Variants in GALNT11 observed in about 807,000 individuals in gnomAD.
GALNT11 encodes the protein UDP-GalNAc:polypeptide N-acetylgalactosaminyltransferase 11.
Under a neutral mutation model 72.7 loss-of-function variants are expected in GALNT11, and 47 were observed. That is an observed-to-expected ratio of 0.65 (90% CI 0.51 to 0.82). GALNT11 has a LOEUF of 0.82. Among genes scored for constraint, GALNT11 ranks in the 40% least tolerant of loss-of-function variants. The probability of loss-of-function intolerance (pLI) is 0.00; values close to 1 mark genes in which losing one functional copy is unlikely to be tolerated. For synonymous variants in GALNT11, 270 were observed against 286.6 expected, an observed-to-expected ratio of 0.94 and a Z score of 0.58; for missense variants, 677 against 778.4, an observed-to-expected ratio of 0.87 and a Z score of 1.55.
At chr7:152,064,139 G>T (rs1025856104) in intron 1 of GALNT11, among the ~76,000 whole-genome samples, 23 of 152,136 alleles carry the variant, frequency 1.5e-4, no homozygotes, top group African/African-American at 5.6e-4. Flanking sequence ...GAATCTGGGT[G>T]CTCCTGTATT....
chr7:152,100,349 C>T (rs554807522), intron 2 of GALNT11, among the ~76,000 whole-genome samples: 22 of 152,054 alleles, frequency 1.4e-4, no homozygotes, highest in African/African-American at 4.3e-4. Flanking sequence ...GGGCAGATCA[C>T]GAGGTCAGGA....
intron 2 of GALNT11, among the ~76,000 whole-genome samples, chr7:152,099,533 T>TG (rs2086648524): frequency 8.4e-6 from 1 of 118,704 alleles, no homozygotes; most frequent in Non-Finnish European, 1.7e-5. Context: ...CCGCCTAGTT[T>TG]TTTTTTTTTT....
intron 7 of GALNT11, among the ~76,000 whole-genome samples, chr7:152,112,984 G>C (rs2088409411): frequency 6.6e-6 from 1 of 152,206 alleles, no homozygotes; most frequent in Non-Finnish European, 1.5e-5. Flanking sequence ...AGTTGGGTAA[G>C]TGCAATTTCA....
intron 1 of GALNT11, among the ~76,000 whole-genome samples, chr7:152,076,375 A>G (rs775137882): frequency 5.9e-5 from 9 of 152,110 alleles, no homozygotes; most frequent in Non-Finnish European, 1.2e-4. Context: ...CAAGTTGTGT[A>G]TTTGCGAGGT....
At chr7:152,112,289 C>T (rs2088309514) in intron 7 of GALNT11, among the ~76,000 whole-genome samples, 1 of 152,076 alleles carries the variant, frequency 6.6e-6, no homozygotes, top group Non-Finnish European at 1.5e-5. Flanking sequence ...GCCTATAATC[C>T]CAGCACTTTG....
At chr7:152,031,990 G>C (rs1239054387) in intron 1 of GALNT11, among the ~76,000 whole-genome samples, 1 of 152,214 alleles carries the variant, frequency 6.6e-6, no homozygotes, top group Non-Finnish European at 1.5e-5. Flanking sequence ...CCTTGCCAAG[G>C]GTCCTGGTCC....
intron 1 of GALNT11, chr7:152,074,938 T>G (rs2084866457): frequency 6.6e-6 from 1 of 152,176 alleles, no homozygotes; most frequent in Admixed American, 6.5e-5. Flanking sequence ...TAGCAAAGTT[T>G]TTTTCCCCTG....
intron 8 of GALNT11, 67 bp from the exon 9 acceptor site, chr7:152,117,090 T>C (rs2088940666): frequency 2.9e-6 from 4 of 1,361,086 alleles, no homozygotes; most frequent in Non-Finnish European, 4.1e-6. Flanking sequence ...AAAAAATCTC[T>C]ATATAGTTGT....
chr7:152,085,071 C>G (rs1394196067), intron 1 of GALNT11, among the ~76,000 whole-genome samples: 1 of 152,154 alleles, frequency 6.6e-6, no homozygotes, highest in East Asian at 1.9e-4. Flanking sequence ...TAGGCCTATC[C>G]ACATTTTTCA....
intron 1 of GALNT11, among the ~76,000 whole-genome samples, chr7:152,052,638 C>T (rs1563048435): frequency 2.0e-5 from 3 of 152,188 alleles, no homozygotes; most frequent in Admixed American, 6.5e-5. Context: ...GATAGACCCT[C>T]TTATTCTTCT....
chr7:152,049,950 G>T (rs1371477345), intron 1 of GALNT11, among the ~76,000 whole-genome samples: 2 of 152,062 alleles, frequency 1.3e-5, no homozygotes, highest in Non-Finnish European at 2.9e-5. Context: ...AGGCCCAAGG[G>T]CTCTTCAGTC....
At chr7:152,030,876 T>C (rs767133574) in intron 1 of GALNT11, among the ~76,000 whole-genome samples, 4 of 152,236 alleles carry the variant, frequency 2.6e-5, no homozygotes, top group African/African-American at 7.2e-5. Context: ...CAGCCACTTA[T>C]GCTGCTGTTC....
chr7:152,068,054 C>T (rs2084416212), intron 1 of GALNT11, among the ~76,000 whole-genome samples: 1 of 152,078 alleles, frequency 6.6e-6, no homozygotes, highest in South Asian at 2.1e-4. Context: ...TCGATTCACC[C>T]CCATGATCCA....
At chr7:152,116,633 G>T (rs1451870164) in intron 8 of GALNT11, among the ~76,000 whole-genome samples, 6 of 152,082 alleles carry the variant, frequency 3.9e-5, no homozygotes, top group African/African-American at 1.2e-4. Context: ...TTGAATTTTG[G>T]AGTAGTATTA....
intron 1 of GALNT11, among the ~76,000 whole-genome samples, chr7:152,092,633 TCTTCTAGG>T (rs2086114400): frequency 6.6e-6 from 1 of 152,152 alleles, no homozygotes; most frequent in Non-Finnish European, 1.5e-5. Context: ...CTGTTTACCA[TCTTCTAGG>T]CTTATGGCAT....
chr7:152,110,765 C>A, intron 7 of GALNT11, 120 bp downstream of exon 7: 1 of 783,362 alleles, frequency 1.3e-6, no homozygotes, highest in Non-Finnish European at 2.0e-6. Flanking sequence ...GGGTCTTTCT[C>A]TGCTGCCCAG....
intron 1 of GALNT11, among the ~76,000 whole-genome samples, chr7:152,049,057 C>G (rs998844778): frequency 2.7e-5 from 4 of 150,582 alleles, no homozygotes. Context: ...TGAGTTTCCT[C>G]AAAACAGCTA....
At chr7:152,118,554 T>C in intron 9 of GALNT11, 124 bp from the exon 10 acceptor site, 1 of 756,934 alleles carries the variant, frequency 1.3e-6, no homozygotes, top group African/African-American at 1.8e-5. Flanking sequence ...ATGCATATAT[T>C]TTTATGAGCC....
chr7:152,063,483 GT>G (rs2084131461), intron 1 of GALNT11, among the ~76,000 whole-genome samples: 1 of 152,046 alleles, frequency 6.6e-6, no homozygotes, highest in African/African-American at 2.4e-5. Context: ...TCTGATCTTG[GT>G]TATTTCTTGC....
Sources: allele counts gnomAD v4.1 joint callset (sites outside exome capture counted in the v4.1 genomes callset), GRCh38; gene constraint gnomAD v4.1.1; transcripts MANE v1.5; gene names NCBI Gene and HGNC (gene_info 2026-07-23, HGNC 2026-07-21).